PPP1R3B: variants seen among roughly 807,000 people sequenced by gnomAD.
PPP1R3B encodes the protein PP1 subunit R4.
In PPP1R3B, 8 loss-of-function variants were observed where a neutral mutation model predicts 14.6. The observed-to-expected ratio is 0.55, with a 90% CI of 0.32 to 0.99. The LOEUF is 0.99. PPP1R3B is among the 50% of genes least tolerant of loss of function. The pLI, the probability that PPP1R3B is intolerant of heterozygous loss-of-function variation, is 0.04. For missense variants in PPP1R3B, 452 were observed against 360.1 expected (o/e 1.26, Z -2.07); for synonymous variants, 169 against 142.0 (o/e 1.19, Z -1.35).
intron 1 of PPP1R3B, among the ~76,000 whole-genome samples, chr8:9,148,461 T>G (rs1801307902): frequency 6.6e-6 from 1 of 152,194 alleles, no homozygotes; most frequent in Non-Finnish European, 1.5e-5. Context: ...TGATACCAGT[T>G]GCAGGATAGG....
At chr8:9,150,681 G>A (rs1370631486), upstream of PPP1R3B, 2 of 152,444 alleles carry the variant, frequency 1.3e-5, no homozygotes, top group East Asian at 1.9e-4. Flanking sequence ...GCCTGGGCTG[G>A]GTTCCCGGAG....
At chr8:9,142,841 C>T (rs537598817) in intron 1 of PPP1R3B, among the ~76,000 whole-genome samples, 40 of 152,170 alleles carry the variant, frequency 2.6e-4, no homozygotes, top group Non-Finnish European at 5.4e-4. Flanking sequence ...ACAGGATTTC[C>T]TTCTTTCTTC....
intron 1 of PPP1R3B, among the ~76,000 whole-genome samples, chr8:9,148,720 T>C (rs750497553): frequency 4.6e-5 from 7 of 151,434 alleles, no homozygotes; most frequent in Admixed American, 1.3e-4. Context: ...TAGACGGCCA[T>C]GGTGATAACT....
Position 9,137,298 on chromosome 8 carries a change from C to A in PPP1R3B, c.*3496G>T, listed in dbSNP as rs554290247. On this transcript the variant is annotated 3_prime_UTR_variant, in exon 2 of 2. Coordinates refer to ENST00000310455, the MANE Select transcript of PPP1R3B (RefSeq NM_024607.4). ...CCCAGTTTGCAAATGCTCCTCAGGGCACTTGAGGGAATAAATATAAAACAA... is the reference window on the plus strand; with the variant it reads ...CCCAGTTTGCAAATGCTCCTCAGGGAACTTGAGGGAATAAATATAAAACAA... The A allele has an allele frequency of 2.6e-5, 4 of 152,308 alleles. No homozygotes were observed. The highest frequency in any genetic ancestry group is 9.6e-5 in the African/African-American group (4 of 41,564). The allele number at this position is 152,308 out of a possible 1,614,324, so 9.4% of individuals were successfully genotyped here.
chr8:9,149,208 AG>A, intron 1 of PPP1R3B, among the ~76,000 whole-genome samples: 1 of 136,644 alleles, frequency 7.3e-6, no homozygotes, highest in Admixed American at 7.5e-5. Context: ...AAAAAAAAAA[AG>A]GCAAAAAAAG....
Position 9,141,048 on chromosome 8 carries a change from T to A in PPP1R3B, c.604A>T (p.Ile202Phe). ...FSFDISLPEK[I>F]QSYERMEFAV... ...AACTCCATTCTTTCATAAGACTGAA[T>A]CTTCTCGGGCAAGCTGATGTCGAAG... The change falls in exon 2 of 2, where the codon ATT becomes TTT. Residue 202 changes from isoleucine (I) to phenylalanine (F), a missense_variant. Coordinates refer to ENST00000310455, the MANE Select transcript of PPP1R3B (RefSeq NM_024607.4). 1 of 1,614,144 alleles carries A rather than the reference T, an allele frequency of 6.2e-7. No individual in the cohort carries two copies. The highest frequency in any genetic ancestry group is 2.2e-5 in the East Asian group (1 of 44,866).
chr8:9,142,553 A>T (rs1320432352), intron 1 of PPP1R3B, among the ~76,000 whole-genome samples: 1 of 152,222 alleles, frequency 6.6e-6, no homozygotes, highest in African/African-American at 2.4e-5. Context: ...AGCAATTTTC[A>T]AATATATAAC....
Position 9,140,646 on chromosome 8 carries a change from A to C in PPP1R3B, c.*148T>G, listed in dbSNP as rs1196719116. 1.6e-5 allele frequency: 13 copies of C among 791,028 alleles called. No individual in the cohort carries two copies. The East Asian group carries it at 3.5e-4, about 21-fold the overall frequency. The allele number at this position is 791,028 out of a possible 1,614,324, so 49.0% of individuals were successfully genotyped here. The stretch of plus-strand genomic sequence containing the variant: ...AACCTGGCTGGATTTGCTGTTTAAG[A>C]AAGAAGTGAAGAGGATCCTTTTATT... On this transcript the variant is annotated 3_prime_UTR_variant, in exon 2 of 2. Coordinates refer to ENST00000310455, the MANE Select transcript of PPP1R3B (RefSeq NM_024607.4).
At chr8:9,148,661 T>G (rs928183897) in intron 1 of PPP1R3B, among the ~76,000 whole-genome samples, 2 of 152,316 alleles carry the variant, frequency 1.3e-5, no homozygotes, top group Admixed American at 1.3e-4. Flanking sequence ...GCATAAATGC[T>G]TTATCTGTTC....
rs1358466343 is a variant in PPP1R3B at position 9,138,841 on chromosome 8, T to G, written c.*1953A>C. ...CTACAAGTATACTTGTAAAAATATA[T>G]TTTTAAAGCACCCCTAAGTAAACAC... is the stretch of plus-strand genomic sequence containing the variant. On this transcript the variant is annotated 3_prime_UTR_variant, in exon 2 of 2. Coordinates refer to ENST00000310455, the MANE Select transcript of PPP1R3B (RefSeq NM_024607.4). The G allele has an allele frequency of 6.6e-6, 1 of 152,216 alleles. No individual in the cohort carries two copies. Among genetic ancestry groups the G allele is most frequent in the African/African-American group, 2.4e-5 (1 of 41,450 alleles). 9.4% of individuals were successfully genotyped at this position (152,216 alleles called of 1,614,324 possible).
upstream of PPP1R3B, chr8:9,150,837 G>C (rs995922386): frequency 6.6e-6 from 1 of 152,374 alleles, no homozygotes; most frequent in Non-Finnish European, 1.5e-5. Flanking sequence ...GCCCGGGACG[G>C]GGATCGTGCT....
intron 1 of PPP1R3B, among the ~76,000 whole-genome samples, chr8:9,149,853 G>A (rs1453602588): frequency 6.6e-6 from 1 of 152,224 alleles, no homozygotes; most frequent in East Asian, 1.9e-4. Flanking sequence ...AAAGAGGCAA[G>A]TTCAAATGAC....
Position 9,140,532 on chromosome 8 carries a change from A to T in PPP1R3B, c.*262T>A. On this transcript the variant is annotated 3_prime_UTR_variant, in exon 2 of 2. Transcript: ENST00000310455. ...TTCCCATCCATACCCTTTCCAGCAC[A>T]GACGTGCACAGACTCTCGTGGCTGC... 1 of 519,592 alleles carries T rather than the reference A, an allele frequency of 1.9e-6. No individual in the cohort carries two copies. The highest frequency in any genetic ancestry group is 3.3e-5 in the East Asian group (1 of 30,746). The allele number at this position is 519,592 out of a possible 1,614,324, so 32.2% of individuals were successfully genotyped here.
Position 9,136,428 on chromosome 8 carries a change from G to C in PPP1R3B, c.*4366C>G, listed in dbSNP as rs1010786634. The C allele has an allele frequency of 6.6e-6, 1 of 152,150 alleles. No homozygotes were observed. Among genetic ancestry groups the C allele is most frequent in the Non-Finnish European group, 1.5e-5 (1 of 68,034 alleles). The allele number at this position is 152,150 out of a possible 1,614,324, so 9.4% of individuals were successfully genotyped here. On this transcript the variant is annotated 3_prime_UTR_variant, in exon 2 of 2. Coordinates refer to ENST00000310455, the MANE Select transcript of PPP1R3B (RefSeq NM_024607.4). ...AAAATTTCTTGACAAGGCACTTTTA[G>C]GTATAAAATGAAGATGAGTCCTTGG...
intron 1 of PPP1R3B, among the ~76,000 whole-genome samples, chr8:9,144,536 T>G (rs998345209): frequency 6.6e-6 from 1 of 152,176 alleles, no homozygotes; most frequent in African/African-American, 2.4e-5. Context: ...ACAAACTTTC[T>G]AATTTTTTAA....
chr8:9,151,069 C>G (rs1801415337), upstream of PPP1R3B, among the ~76,000 whole-genome samples: 1 of 152,182 alleles, frequency 6.6e-6, no homozygotes, highest in Admixed American at 6.5e-5. Flanking sequence ...GCCGCCGCAG[C>G]CGCAGCTCCC....
chr8:9,147,226 C>A (rs546983899), intron 1 of PPP1R3B, among the ~76,000 whole-genome samples: 1 of 152,146 alleles, frequency 6.6e-6, no homozygotes, highest in East Asian at 1.9e-4. Flanking sequence ...TGGTCTCGAA[C>A]TCCTGACCTC....
rs759122111 is a variant in PPP1R3B, at chr8:9,141,381, T to A, written c.271A>T (p.Asn91Tyr). The stretch of plus-strand genomic sequence containing the variant: ...ATGTTGTCTAGGAGCTCGGTGATGT[T>A]GAATGGCATATCTAGCGGGTCATCG... ...EFDDPLDMPF[N>Y]ITELLDNIVS... Residue 91 changes from asparagine (N) to tyrosine (Y), a missense_variant, in exon 2 of 2, where the codon AAC becomes TAC. Physicochemically the swap from Asn to Tyr is moderately radical, Grantham distance 143. Coordinates refer to ENST00000310455, the MANE Select transcript of PPP1R3B (RefSeq NM_024607.4). 5 of 1,614,114 alleles carry A rather than the reference T, an allele frequency of 3.1e-6. No homozygotes were observed. In the African/African-American group the frequency reaches 5.3e-5, roughly 17 times the overall value.
intron 1 of PPP1R3B, among the ~76,000 whole-genome samples, chr8:9,147,587 C>T (rs943409210): frequency 6.6e-6 from 1 of 152,072 alleles, no homozygotes; most frequent in Non-Finnish European, 1.5e-5. Context: ...ATCAAAGAAT[C>T]TACACACAGC....
Sources: gnomAD v4.1 joint callset for allele counts (sites outside exome capture counted in the v4.1 genomes callset) on GRCh38, gnomAD v4.1.1 for gene constraint, MANE v1.5 for transcripts, NCBI Gene and HGNC (gene_info 2026-07-23, HGNC 2026-07-21) for gene names.